The following BTBD10 variants were observed in gnomAD, a reference collection of about 807,000 sequenced individuals.
BTBD10 encodes BTB domain containing 10.
Under a neutral mutation model 53.2 loss-of-function variants are expected in BTBD10, and 21 were observed. The observed-to-expected ratio is 0.39, with a 90% CI of 0.28 to 0.57. BTBD10 has a LOEUF of 0.57. BTBD10 is among the 20% of genes least tolerant of loss of function. The probability of loss-of-function intolerance (pLI) is 0.53; values close to 1 mark genes in which losing one functional copy is unlikely to be tolerated. For synonymous variants in BTBD10, 149 were observed against 192.7 expected (o/e 0.77, Z 1.88); for missense variants, 360 against 594.7 (o/e 0.61, Z 4.10).
intron 2 of BTBD10, among the ~76,000 whole-genome samples, chr11:13,442,562 C>A (rs1004373796): frequency 1.3e-5 from 2 of 152,040 alleles, no homozygotes; most frequent in Admixed American, 1.3e-4. Context: ...CCAGAAATGT[C>A]CTCCATCTAC....
Position 13,388,746 on chromosome 11 carries a change from A to G in BTBD10, c.*85T>C. The G allele has an allele frequency of 2.2e-6, 3 of 1,374,444 alleles. No individual in the cohort carries two copies. Among genetic ancestry groups the G allele is most frequent in the South Asian group, 2.6e-5 (2 of 75,878 alleles). 85.1% of individuals were successfully genotyped at this position (1,374,444 alleles called of 1,614,324 possible). On this transcript the variant is annotated 3_prime_UTR_variant, in exon 9 of 9. Coordinates refer to ENST00000278174, the MANE Select transcript of BTBD10 (RefSeq NM_032320.7). ...CATTGTTATGTGCATCTCACAATGA[A>G]GAAGAGTGGCCTTGCAGTGCAGAAT... is the stretch of plus-strand genomic sequence containing the variant.
intron 4 of BTBD10, among the ~76,000 whole-genome samples, chr11:13,418,469 T>C (rs1437885485): frequency 1.3e-5 from 2 of 152,046 alleles, no homozygotes; most frequent in Admixed American, 1.3e-4. Flanking sequence ...TATGTAAAAA[T>C]ATAAAGTATC....
At chr11:13,394,965 C>T (rs1380466840) in intron 8 of BTBD10, among the ~76,000 whole-genome samples, 1 of 151,254 alleles carries the variant, frequency 6.6e-6, no homozygotes, top group East Asian at 1.9e-4. Flanking sequence ...GGGTTGGTTC[C>T]AAGTCTGTGC....
chr11:13,445,699 C>T (rs1409143042), intron 1 of BTBD10, among the ~76,000 whole-genome samples: 2 of 152,104 alleles, frequency 1.3e-5, no homozygotes, highest in African/African-American at 4.8e-5. Flanking sequence ...AATAAATGTA[C>T]GTAAGCATTC....
At chr11:13,438,574 C>CT (rs533905740) in intron 2 of BTBD10, among the ~76,000 whole-genome samples, 5 of 151,516 alleles carry the variant, frequency 3.3e-5, no homozygotes, top group African/African-American at 4.8e-5. Flanking sequence ...AATTAAATTT[C>CT]TTTTTTTTCA....
chr11:13,416,986 T>A (rs1950131548), intron 5 of BTBD10, among the ~76,000 whole-genome samples, 172 bp downstream of exon 5: 1 of 152,074 alleles, frequency 6.6e-6, no homozygotes. Context: ...AAGACCCTGT[T>A]GCAAAATAAA....
intron 8 of BTBD10, among the ~76,000 whole-genome samples, chr11:13,400,164 G>A (rs1007521288): frequency 1.3e-5 from 2 of 152,238 alleles, no homozygotes; most frequent in African/African-American, 4.8e-5. Context: ...ACAGAGGCAG[G>A]CAGGCCTCCT....
chr11:13,415,960 G>T (rs1463382530), intron 5 of BTBD10, among the ~76,000 whole-genome samples: 2 of 150,490 alleles, frequency 1.3e-5, no homozygotes, highest in Non-Finnish European at 3.0e-5. Context: ...CCAGCCTTAT[G>T]AACCAAAATC....
intron 6 of BTBD10, among the ~76,000 whole-genome samples, chr11:13,407,497 G>A (rs945786555): frequency 6.6e-6 from 1 of 150,868 alleles, no homozygotes; most frequent in African/African-American, 2.4e-5. Flanking sequence ...TCTCAGCACA[G>A]TGCTGGGCAT....
chr11:13,425,717 A>C (rs1950324351), intron 2 of BTBD10, among the ~76,000 whole-genome samples: 1 of 152,196 alleles, frequency 6.6e-6, no homozygotes, highest in African/African-American at 2.4e-5. Context: ...AAATGGTTAG[A>C]AGAGAGAACT....
intron 8 of BTBD10, among the ~76,000 whole-genome samples, chr11:13,391,643 C>T (rs1253366879): frequency 1.3e-5 from 2 of 152,206 alleles, no homozygotes; most frequent in African/African-American, 2.4e-5. Context: ...GTAATAACCT[C>T]TTCCAATATC....
intron 8 of BTBD10, among the ~76,000 whole-genome samples, chr11:13,390,674 G>T (rs1372170668): frequency 6.6e-6 from 1 of 152,170 alleles, no homozygotes; most frequent in East Asian, 1.9e-4. Context: ...TAAAAAAGAG[G>T]CAATGAGCTG....
intron 6 of BTBD10, among the ~76,000 whole-genome samples, chr11:13,408,851 C>T (rs1244032612): frequency 6.6e-6 from 1 of 152,154 alleles, no homozygotes; most frequent in African/African-American, 2.4e-5. Flanking sequence ...TTGCTTCTAG[C>T]ACAATTCCCC....
intron 8 of BTBD10, among the ~76,000 whole-genome samples, chr11:13,396,128 G>A (rs1344374478): frequency 2.0e-5 from 3 of 152,138 alleles, no homozygotes; most frequent in African/African-American, 7.2e-5. Context: ...ATTACCTTGA[G>A]CAGTATGGCC....
At chr11:13,427,213 T>C (rs1186566191) in intron 2 of BTBD10, among the ~76,000 whole-genome samples, 3 of 146,132 alleles carry the variant, frequency 2.1e-5, no homozygotes, top group Non-Finnish European at 4.5e-5. Context: ...GGAGACCCTG[T>C]CTTAAAATAA....
intron 7 of BTBD10, 112 bp from the exon 8 acceptor site, chr11:13,403,390 G>T: frequency 1.9e-6 from 1 of 535,136 alleles, no homozygotes; most frequent in Non-Finnish European, 3.2e-6. Context: ...CCAAATAATG[G>T]ATGCAGTAAT....
intron 3 of BTBD10, among the ~76,000 whole-genome samples, chr11:13,420,608 ACTTTCAT>A (rs1294690593): frequency 6.6e-6 from 1 of 152,078 alleles, no homozygotes; most frequent in African/African-American, 2.4e-5. Context: ...CCATCTCATC[ACTTTCAT>A]CAGCTTTTGC....
rs1022251707 is a variant in BTBD10 at position 13,389,250 on chromosome 11, CAAAG to C, written c.1118-113_1118-110del. 10 of 889,214 alleles carry C rather than the reference CAAAG, an allele frequency of 1.1e-5. No individual in the cohort carries two copies. The African/African-American group carries it at 1.5e-4, about 13-fold the overall frequency. 55.1% of individuals were successfully genotyped at this position (889,214 alleles called of 1,614,324 possible). A position where few individuals can be genotyped will look rare whatever the true frequency, so the allele number is the denominator to read the frequency against. ...AGATCCTAAAGAAACAAATTTAAAA[CAAAG>C]AAGTGAAAACAATATTCCATCCACC... is the stretch of plus-strand genomic sequence containing the variant. On this transcript the variant is annotated intron_variant, in intron 8 of 8. Coordinates refer to ENST00000278174, the MANE Select transcript of BTBD10 (RefSeq NM_032320.7).
rs968837027 is a variant in BTBD10 at position 13,390,836 on chromosome 11, T to C, written c.1118-1695A>G. ...TACAAATAGCCATGTGTGGAGTATG[T>C]GTGTATGTGGTGGGGGTGAGATAGG... On this transcript the variant is annotated intron_variant, in intron 8 of 8. Coordinates refer to ENST00000278174, the MANE Select transcript of BTBD10 (RefSeq NM_032320.7). 3.3e-5 allele frequency among the ~76,000 whole-genome samples: 5 copies of C among 152,264 alleles called. 1 individual carries two copies. Among genetic ancestry groups the C allele is most frequent in the Middle Eastern group, 6.8e-3 (2 of 294 alleles).
Sources: gnomAD v4.1 joint callset for allele counts (sites outside exome capture counted in the v4.1 genomes callset) on GRCh38, gnomAD v4.1.1 for gene constraint, MANE v1.5 for transcripts, NCBI Gene and HGNC (gene_info 2026-07-23, HGNC 2026-07-21) for gene names.